Variants in RIMS2 observed in about 807,000 individuals in gnomAD.
RIMS2 encodes regulating synaptic membrane exocytosis 2.
RIMS2 carries 59 observed loss-of-function variants against 174.4 expected under a neutral mutation model. That is an observed-to-expected ratio of 0.34 (90% CI 0.27 to 0.42). The LOEUF is 0.42. Ranked by LOEUF, RIMS2 falls within the 10% of genes least tolerant of loss-of-function variation. The pLI, the probability that RIMS2 is intolerant of heterozygous loss-of-function variation, is 1.00. For missense variants in RIMS2, 1,620 were observed against 1,666.3 expected, an observed-to-expected ratio of 0.97 and a Z score of 0.48; for synonymous variants, 606 against 572.5, an observed-to-expected ratio of 1.06 and a Z score of -0.84.
intron 19 of RIMS2, among the ~76,000 whole-genome samples, chr8:104,162,999 A>T (rs1291783718): frequency 6.6e-6 from 1 of 152,172 alleles, no homozygotes; most frequent in African/African-American, 2.4e-5. Flanking sequence ...ACTTCCAAAG[A>T]CACAGTTGCA....
intron 1 of RIMS2, among the ~76,000 whole-genome samples, chr8:103,528,457 G>A (rs1447870611): frequency 2.6e-5 from 4 of 152,140 alleles, no homozygotes; most frequent in African/African-American, 7.2e-5. Flanking sequence ...TAGACATGAA[G>A]TCCTTGCCCA....
chr8:103,723,283 T>C lies in RIMS2; in HGVS notation c.387+25987T>C, dbSNP rs572534515. On this transcript the variant is annotated intron_variant, in intron 2 of 23. Transcript: ENST00000504942. ...GTCATGTTTCTCTGATTATTCACGA[T>C]CTTTTGGACTTGTATTGGTGTGGGC... 2.6e-5 allele frequency among the ~76,000 whole-genome samples: 4 copies of C among 152,348 alleles called. No individual in the cohort carries two copies. The South Asian group carries it at 6.2e-4, about 24-fold the overall frequency.
At chr8:103,505,079 C>T (rs1822799985) in intron 1 of RIMS2, among the ~76,000 whole-genome samples, 1 of 151,918 alleles carries the variant, frequency 6.6e-6, no homozygotes, top group Admixed American at 6.6e-5. Flanking sequence ...GTCTTGAACT[C>T]CTGGGCTCAA....
At chr8:103,843,930 C>T (rs1311052166) in intron 3 of RIMS2, among the ~76,000 whole-genome samples, 1 of 152,104 alleles carries the variant, frequency 6.6e-6, no homozygotes, top group Non-Finnish European at 1.5e-5. Flanking sequence ...GTGGGAGGGA[C>T]CCAGTAGGAG....
chr8:103,936,725 A>G lies in RIMS2; in HGVS notation c.2547+3A>G, dbSNP rs756773885. ...AAGAAAGTGAATTCTTAGGCGAGGT[A>G]TCTGGAGTTGTTTTAAAGTTTATGC... On this transcript the variant is annotated splice_donor_region_variant and intron_variant, in intron 13 of 23. Transcript: ENST00000504942. The G allele has an allele frequency of 9.4e-6, 15 of 1,596,098 alleles. No homozygotes were observed. The highest frequency in any genetic ancestry group is 1.3e-5 in the Non-Finnish European group (15 of 1,172,736).
At chr8:103,550,780 C>T (rs1847438889) in intron 1 of RIMS2, among the ~76,000 whole-genome samples, 1 of 152,076 alleles carries the variant, frequency 6.6e-6, no homozygotes, top group African/African-American at 2.4e-5. Flanking sequence ...GGGTTATTAC[C>T]ACTGATCCCA....
At chr8:103,793,627 T>C (rs199526226) in intron 3 of RIMS2, among the ~76,000 whole-genome samples, 1 of 151,908 alleles carries the variant, frequency 6.6e-6, no homozygotes, top group Admixed American at 6.6e-5. Flanking sequence ...ATTAGGAAAA[T>C]AGGAAGTCAA....
At chr8:103,975,285 G>A in intron 15 of RIMS2, 65 bp from the exon 18 acceptor site, 1 of 1,092,252 alleles carries the variant, frequency 9.2e-7, no homozygotes, top group Non-Finnish European at 1.3e-6. Flanking sequence ...TTTGAGTAAA[G>A]TAGAAGAGAC....
chr8:103,794,052 T>C (rs1432121368), intron 3 of RIMS2, among the ~76,000 whole-genome samples: 2 of 152,154 alleles, frequency 1.3e-5, no homozygotes, highest in African/African-American at 4.8e-5. Context: ...AAGCTACCAA[T>C]GACTTTCTTT....
chr8:103,748,683 A>G (rs1173987054), intron 2 of RIMS2, among the ~76,000 whole-genome samples: 1 of 152,084 alleles, frequency 6.6e-6, no homozygotes, highest in Admixed American at 6.5e-5. Flanking sequence ...TGTCTTCTTT[A>G]CCATCTGTTA....
intron 19 of RIMS2, among the ~76,000 whole-genome samples, chr8:104,205,283 C>T (rs1004713958): frequency 6.6e-6 from 1 of 152,072 alleles, no homozygotes; most frequent in Non-Finnish European, 1.5e-5. Context: ...CTCTTTCTCC[C>T]TCCTGTGTTA....
At chr8:103,653,405 T>C (rs529974102) in intron 1 of RIMS2, among the ~76,000 whole-genome samples, 4 of 152,208 alleles carry the variant, frequency 2.6e-5, no homozygotes, top group Admixed American at 6.5e-5. Flanking sequence ...GAAGTTGAGG[T>C]AGCTGAAGAT....
At chr8:103,786,847 A>T (rs1241521944) in intron 3 of RIMS2, among the ~76,000 whole-genome samples, 1 of 152,108 alleles carries the variant, frequency 6.6e-6, no homozygotes, top group Non-Finnish European at 1.5e-5. Context: ...TGTTTCGTTG[A>T]TCTGTCTAAT....
intron 1 of RIMS2, among the ~76,000 whole-genome samples, chr8:103,679,973 G>T (rs982079040): frequency 6.6e-6 from 1 of 152,078 alleles, no homozygotes; most frequent in East Asian, 1.9e-4. Flanking sequence ...CCTTTGCATC[G>T]CAGTGGCAGA....
At chr8:103,885,803 G>T in exon 4 of RIMS2, 1 of 1,612,914 alleles carries the variant, frequency 6.2e-7, no homozygotes, top group East Asian at 2.2e-5. Context: ...AGAACGTAGA[G>T]CTGCCATGGA....
chr8:103,654,665 C>T lies in RIMS2; in HGVS notation c.177-42421C>T, dbSNP rs547738536. Among the ~76,000 whole-genome samples the T allele has an allele frequency of 2.4e-4, 36 of 151,912 alleles. 1 individual carries two copies. The highest frequency in any genetic ancestry group is 1.0e-4 in the Non-Finnish European group (7 of 67,826). ...TTCTGAATGCCCTTTAATTCACTTA[C>T]TCTCTATTCGGATTTATAAGGCTTC... On this transcript the variant is annotated intron_variant, in intron 1 of 23. Coordinates refer to ENST00000504942, the Ensembl canonical transcript of RIMS2.
chr8:103,565,356 G>C (rs75646667), intron 1 of RIMS2, among the ~76,000 whole-genome samples: 9,082 of 152,078 alleles, frequency 0.06, 908 homozygotes, highest in African/African-American at 0.2. Flanking sequence ...TTAGGCTGGA[G>C]TGCAGCGGTG....
At chr8:103,861,414 T>TA (rs1159858055) in intron 3 of RIMS2, among the ~76,000 whole-genome samples, 3 of 152,134 alleles carry the variant, frequency 2.0e-5, no homozygotes, top group African/African-American at 4.8e-5. Context: ...CATGACTATG[T>TA]AATTGCAATT....
intron 1 of RIMS2, among the ~76,000 whole-genome samples, chr8:103,588,319 C>T (rs1274676236): frequency 6.6e-6 from 1 of 151,330 alleles, no homozygotes; most frequent in Non-Finnish European, 1.5e-5. Flanking sequence ...AAAAGGTCTA[C>T]CCAAAACAAT....
Sources: gnomAD v4.1 joint callset for allele counts (sites outside exome capture counted in the v4.1 genomes callset) on GRCh38, gnomAD v4.1.1 for gene constraint, MANE v1.5 for transcripts, NCBI Gene and HGNC (gene_info 2026-07-23, HGNC 2026-07-21) for gene names.